DPP6: variants seen among roughly 807,000 people sequenced by gnomAD.
The protein encoded by DPP6 is A-type potassium channel modulatory protein DPP6.
In DPP6, 69 loss-of-function variants were observed where a neutral mutation model predicts 122.6. The observed-to-expected ratio is 0.56, with a 90% confidence interval of 0.46 to 0.69. The LOEUF is 0.69. DPP6 is among the 30% of genes least tolerant of loss of function. DPP6 has a pLI of 0.00. For missense variants in DPP6, 928 were observed against 1,116.9 expected (o/e 0.83, Z 2.41); for synonymous variants, 418 against 433.1 (o/e 0.97, Z 0.43).
chr7:154,465,324 A>T (rs1315199518), intron 2 of DPP6, among the ~76,000 whole-genome samples: 1 of 152,232 alleles, frequency 6.6e-6, no homozygotes, highest in Admixed American at 6.5e-5. Flanking sequence ...GTGATTTAGA[A>T]AACAGAAATG....
intron 1 of DPP6, among the ~76,000 whole-genome samples, chr7:154,417,492 G>A (rs554368822): frequency 1.3e-5 from 2 of 152,224 alleles, no homozygotes; most frequent in South Asian, 2.1e-4. Flanking sequence ...GGCTCCCTAG[G>A]CACCTGAGGT....
At chr7:154,196,618 T>TG (rs1798880999) in intron 1 of DPP6, among the ~76,000 whole-genome samples, 1 of 152,258 alleles carries the variant, frequency 6.6e-6, no homozygotes, top group Non-Finnish European at 1.5e-5. Context: ...CCTTCAGCCA[T>TG]GGGGAGCATT....
chr7:154,221,896 A>G (rs2150830701), intron 1 of DPP6, among the ~76,000 whole-genome samples: 1 of 152,348 alleles, frequency 6.6e-6, no homozygotes, highest in African/African-American at 2.4e-5. Context: ...CATTATAAAA[A>G]AGGCATATTA....
chr7:154,527,265 A>C (rs1827480729), intron 3 of DPP6, among the ~76,000 whole-genome samples: 1 of 152,186 alleles, frequency 6.6e-6, no homozygotes, highest in Admixed American at 6.5e-5. Flanking sequence ...GAGCCTCTCC[A>C]AGATGGCTTC....
intron 1 of DPP6, among the ~76,000 whole-genome samples, chr7:154,173,844 C>T (rs950801928): frequency 3.3e-5 from 5 of 152,168 alleles, no homozygotes; most frequent in Admixed American, 1.3e-4. Context: ...GTGGGACATC[C>T]GGGGCCTTTG....
At position 154,236,566 on chromosome 7, in the gene DPP6, T is replaced by C. The variant is rs531182954; in HGVS notation, c.243+183503T>C. On this transcript the variant is annotated intron_variant, in intron 1 of 25. Transcript: ENST00000377770. ...TGAATGATCAGTGTAATTGTACTTC[T>C]AGGGAAGATATAGCCGTTTATTTCT... Among the ~76,000 whole-genome samples the C allele has an allele frequency of 2.0e-5, 3 of 152,296 alleles. No homozygotes were observed. The East Asian group carries it at 5.8e-4, about 29-fold the overall frequency.
chr7:154,090,029 T>TA (rs1421203796), intron 1 of DPP6, among the ~76,000 whole-genome samples: 6 of 152,214 alleles, frequency 3.9e-5, no homozygotes, highest in Non-Finnish European at 7.3e-5. Context: ...CAACATCCTT[T>TA]CTTCTCCTCC....
At chr7:153,803,803 ATATG>A in the DPP6 span, among the ~76,000 whole-genome samples, 2 of 151,858 alleles carry the variant, frequency 1.3e-5, no homozygotes, top group East Asian at 3.9e-4. Flanking sequence ...ATAAGGATAT[ATATG>A]TATATATAGA....
chr7:154,734,957 A>G (rs1842507567), intron 8 of DPP6, among the ~76,000 whole-genome samples: 1 of 152,230 alleles, frequency 6.6e-6, no homozygotes, highest in South Asian at 2.1e-4. Flanking sequence ...TACAACTACT[A>G]TTGCTTTACC....
At chr7:154,558,448 A>T (rs995913847) in intron 4 of DPP6, among the ~76,000 whole-genome samples, 1 of 152,244 alleles carries the variant, frequency 6.6e-6, no homozygotes, top group Non-Finnish European at 1.5e-5. Context: ...GTAGTTTCTT[A>T]GGATGAGGTT....
chr7:154,007,772 A>G (rs1190304545), intron 1 of DPP6, among the ~76,000 whole-genome samples: 1 of 152,070 alleles, frequency 6.6e-6, no homozygotes, highest in African/African-American at 2.4e-5. Context: ...TGGTGTCCAC[A>G]GGGGGTTCTG....
chr7:153,838,710 G>A, the DPP6 span, among the ~76,000 whole-genome samples: 12 of 152,206 alleles, frequency 7.9e-5, no homozygotes, highest in African/African-American at 1.2e-4. Flanking sequence ...AATGAGAAAC[G>A]TTTTCTGAAA....
chr7:154,530,819 A>T (rs1448991045), intron 3 of DPP6, among the ~76,000 whole-genome samples: 1 of 152,184 alleles, frequency 6.6e-6, no homozygotes, highest in Non-Finnish European at 1.5e-5. Context: ...TGCAGCCACA[A>T]AAAGGAACAA....
At chr7:154,166,351 G>A (rs754475596) in intron 1 of DPP6, among the ~76,000 whole-genome samples, 4 of 152,120 alleles carry the variant, frequency 2.6e-5, no homozygotes, top group Non-Finnish European at 5.9e-5. Context: ...CATCTCACCC[G>A]TGAGCCATCC....
chr7:154,635,675 G>T lies in DPP6; in HGVS notation c.628-2146G>T, dbSNP rs896597632. ...TCTTAGCTGTGTGGCTCTGGCTCAG[G>T]GTCCCTCATGAGGCCAGCATCAAGA... On this transcript the variant is annotated intron_variant, in intron 5 of 25. Coordinates refer to ENST00000377770, the MANE Select transcript of DPP6 (RefSeq NM_130797.4). Among the ~76,000 whole-genome samples the T allele has an allele frequency of 1.2e-3, 188 of 152,236 alleles. 2 individuals are homozygous for T. The highest frequency in any genetic ancestry group is 4.4e-3 in the African/African-American group (183 of 41,556).
intron 1 of DPP6, among the ~76,000 whole-genome samples, chr7:154,015,914 A>C (rs1798383127): frequency 6.6e-6 from 1 of 152,060 alleles, no homozygotes; most frequent in Non-Finnish European, 1.5e-5. Flanking sequence ...TCCTTTGCAC[A>C]TCTCAGACCG....
chr7:154,266,813 A>G (rs1055126605), intron 1 of DPP6, among the ~76,000 whole-genome samples: 3 of 152,202 alleles, frequency 2.0e-5, no homozygotes, highest in African/African-American at 4.8e-5. Context: ...TAGAAAGTCA[A>G]AACTATTTTC....
exon 1 of DPP6, chr7:153,887,188 G>C (rs1484140768): frequency 6.6e-6 from 1 of 152,502 alleles, no homozygotes; most frequent in African/African-American, 2.4e-5. Context: ...TTAGGGACCA[G>C]AGCGGCGACC....
At chr7:153,792,493 T>C in the DPP6 span, among the ~76,000 whole-genome samples, 4 of 152,178 alleles carry the variant, frequency 2.6e-5, no homozygotes, top group Non-Finnish European at 5.9e-5. Flanking sequence ...GTAGTTTTCT[T>C]TGTGAAAAGG....
Sources: allele counts gnomAD v4.1 joint callset (sites outside exome capture counted in the v4.1 genomes callset), GRCh38; gene constraint gnomAD v4.1.1; transcripts MANE v1.5; gene names NCBI Gene and HGNC (gene_info 2026-07-23, HGNC 2026-07-21).